FBXO7: variants seen among roughly 807,000 people sequenced by gnomAD.
FBXO7 encodes the protein F-box only protein 7.
In FBXO7, 31 loss-of-function variants were observed where a neutral mutation model predicts 50.2. The ratio of observed to expected loss-of-function variants is 0.62; its 90% CI spans 0.46 to 0.83. The LOEUF (loss-of-function observed/expected upper bound fraction) is 0.83. Ranked by LOEUF, FBXO7 falls within the 40% of genes least tolerant of loss-of-function variation. FBXO7 has a pLI of 0.00. For synonymous variants in FBXO7, 256 were observed against 253.1 expected (o/e 1.01, Z -0.11); for missense variants, 667 against 646.6 (o/e 1.03, Z -0.34).
rs139135860 is a variant in FBXO7, at chr22:32,479,132, G to C, written c.274G>C (p.Asp92His). 244 of 1,614,020 alleles carry C rather than the reference G, an allele frequency of 1.5e-4. 1 individual carries two copies. Among genetic ancestry groups the C allele is most frequent in the South Asian group, 7.9e-4 (72 of 91,080 alleles). Residue 92 changes from aspartate to histidine, a missense_variant, in exon 2 of 9, where the codon GAT (aspartate) becomes CAT (histidine). Physicochemically the swap from Asp to His is moderately conservative, Grantham distance 81. Transcript: ENST00000266087. ...AGCGCCTAATATACCTTCATCCACA[G>C]ATTCAGAGCATTCTTCACTCCAGAA... ...IPAPNIPSSTDSEHSSLQNNE... is the reference protein window; with the variant it reads ...IPAPNIPSSTHSEHSSLQNNE...
intron 3 of FBXO7, 22 bp from the exon 4 acceptor site, chr22:32,485,046 T>C (rs565936343): frequency 1.1e-5 from 18 of 1,613,980 alleles, no homozygotes; most frequent in Non-Finnish European, 1.3e-5. Flanking sequence ...ATTATTTGTT[T>C]CCCTTTCATT....
intron 5 of FBXO7, chr22:32,488,223 A>C (rs1490027295): frequency 1.2e-5 from 2 of 170,068 alleles, no homozygotes; most frequent in Non-Finnish European, 2.5e-5. Flanking sequence ...TGTCAAGTTC[A>C]TTATTGAAGA....
chr22:32,481,674 A>G (rs529142695), intron 2 of FBXO7, among the ~76,000 whole-genome samples: 231 of 152,294 alleles, frequency 1.5e-3, no homozygotes, highest in Middle Eastern at 3.4e-3. Context: ...TTGAAACCAT[A>G]GGAGGTAAAT....
chr22:32,482,567 G>T (rs1006272818), intron 2 of FBXO7, among the ~76,000 whole-genome samples: 1 of 152,046 alleles, frequency 6.6e-6, no homozygotes, highest in Non-Finnish European at 1.5e-5. Context: ...TTAGAGATCT[G>T]GGTTCGTTTC....
At position 32,498,494 on chromosome 22, in the gene FBXO7, GGGTC is replaced by G. The variant is rs772175765; in HGVS notation, c.1536_1539del (p.Arg513GlnfsTer11). 2.9e-4 allele frequency: 460 copies of G among 1,613,904 alleles called. No individual in the cohort carries two copies. Among genetic ancestry groups the G allele is most frequent in the Non-Finnish European group, 3.7e-4 (431 of 1,180,032 alleles). The stretch of plus-strand genomic sequence containing the variant: ...ACAGATTTCCCTTTAGACCCAGCAG[GGGTC>G]GGCCAACTGATGGCCGGCTGTCATT... On this transcript the variant is annotated frameshift_variant, in exon 9 of 9. Coordinates refer to ENST00000266087, the MANE Select transcript of FBXO7 (RefSeq NM_012179.4). LOFTEE classifies it high-confidence loss of function.
chr22:32,480,228 T>A (rs925473557), intron 2 of FBXO7, among the ~76,000 whole-genome samples: 1 of 152,206 alleles, frequency 6.6e-6, no homozygotes, highest in African/African-American at 2.4e-5. Flanking sequence ...GCTCATAATT[T>A]TTGAGCTGAA....
At position 32,479,010 on chromosome 22, in the gene FBXO7, A is replaced by G. The variant is rs1276161285; in HGVS notation, c.152A>G (p.Asn51Ser). 6.2e-7 allele frequency: 1 copy of G among 1,614,262 alleles called. No homozygotes were observed. Among genetic ancestry groups the G allele is most frequent in the Non-Finnish European group, 8.5e-7 (1 of 1,180,040 alleles). The stretch of plus-strand genomic sequence containing the variant: ...AATACCCGATTTACAATTACATTGA[A>G]CTACAAGGATCCCCTCACTGGAGAT... ...SSNTRFTITL[N>S]YKDPLTGDEE... The change falls in exon 2 of 9, where the codon AAC (asparagine) becomes AGC (serine). Residue 51 changes from asparagine (N) to serine (S), a missense_variant. Transcript: ENST00000266087.
chr22:32,491,511 T>C (rs6518786), intron 6 of FBXO7: 100,700 of 247,758 alleles, frequency 0.41, 21,753 homozygotes, highest in East Asian at 0.7. Context: ...AGGTACATAA[T>C]AGATGCTCTT....
At position 32,493,162 on chromosome 22, in the gene FBXO7, G is replaced by C; in HGVS notation, c.1025G>C (p.Arg342Pro). 1 of 1,614,070 alleles carries C rather than the reference G, an allele frequency of 6.2e-7. No homozygotes were observed. The highest frequency in any genetic ancestry group is 8.5e-7 in the Non-Finnish European group (1 of 1,179,984). Residue 342 changes from arginine (R) to proline (P), a missense_variant, in exon 7 of 9, where the codon CGG becomes CCG. Transcript: ENST00000266087. ...LVVLPLELKL[R>P]IFRLLDVRSV... ...GTCCTCCCATTGGAACTGAAACTAC[G>C]GATCTTCCGACTTCTGGATGTTCGT...
Position 32,498,431 on chromosome 22 carries a change from A to G in FBXO7, c.1470A>G (p.Gly490=), listed in dbSNP as rs2057591736. The G allele has an allele frequency of 1.2e-6, 2 of 1,614,000 alleles. No homozygotes were observed. Among genetic ancestry groups the G allele is most frequent in the African/African-American group, 2.7e-5 (2 of 74,900 alleles). Residue 490 remains glycine, a synonymous_variant, in exon 9 of 9, where the codon GGA becomes GGG. Coordinates refer to ENST00000266087, the MANE Select transcript of FBXO7 (RefSeq NM_012179.4). Reference sequence around the variant, plus strand: ...TTGATCCAGTTGGCCCACTTCCAGGACCTAACCCCATCTTGCCAGGGCGAG... The same window carrying G: ...TTGATCCAGTTGGCCCACTTCCAGGGCCTAACCCCATCTTGCCAGGGCGAG... ...PRFDPVGPLP[G]PNPILPGRGG...
rs78099169 is a variant in FBXO7, at chr22:32,493,278, C to T, written c.1141C>T (p.Arg381Ter). 8 of 1,613,536 alleles carry T rather than the reference C, an allele frequency of 5.0e-6. No individual in the cohort carries two copies. Among genetic ancestry groups the T allele is most frequent in the Admixed American group, 3.3e-5 (2 of 60,010 alleles). ...GAGGTTTTTATATCTGCGTGATTTT[C>T]GAGGTGATTTCCGTAATGACATATT... ...LWRFLYLRDF[R>*]DNTVRVQDTD... is the part of the protein sequence containing the mutation. Residue 381 changes from arginine to a stop codon, truncating the protein, a stop_gained, in exon 7 of 9, where the codon CGA becomes TGA. Transcript: ENST00000266087. LOFTEE classifies it low-confidence loss of function (END_TRUNC).
chr22:32,495,739 A>G (rs2057570198), intron 8 of FBXO7, among the ~76,000 whole-genome samples: 2 of 152,138 alleles, frequency 1.3e-5, no homozygotes, highest in Non-Finnish European at 2.9e-5. Context: ...TCATTGTGTT[A>G]TTTTTCATCT....
rs144033848 is a variant in FBXO7, at chr22:32,486,357, A to G, written c.787+1148A>G. 2.6e-4 allele frequency among the ~76,000 whole-genome samples: 40 copies of G among 151,902 alleles called. No homozygotes were observed. In the East Asian group the frequency reaches 6.8e-3, roughly 26 times the overall value. Reference sequence around the variant, plus strand: ...GTTTCTTTTTTCTTTTTTTTGAGACAGGGTCTTGCTCTGTCGCCCAGGCTG... The same window carrying G: ...GTTTCTTTTTTCTTTTTTTTGAGACGGGGTCTTGCTCTGTCGCCCAGGCTG... On this transcript the variant is annotated intron_variant, in intron 4 of 8. Coordinates refer to ENST00000266087, the MANE Select transcript of FBXO7 (RefSeq NM_012179.4).
chr22:32,494,093 G>GTAGA (rs1299921862), intron 7 of FBXO7, among the ~76,000 whole-genome samples: 1 of 128,864 alleles, frequency 7.8e-6, no homozygotes, highest in African/African-American at 3.0e-5. Context: ...AATGTGGTGG[G>GTAGA]TAGATAGCTC....
At chr22:32,494,917 T>G (rs1482725831) in intron 7 of FBXO7, among the ~76,000 whole-genome samples, 1 of 152,270 alleles carries the variant, frequency 6.6e-6, no homozygotes, top group Non-Finnish European at 1.5e-5. Context: ...AATGGGTTTC[T>G]CTTTCCTCAT....
chr22:32,484,407 G>A (rs573247314), intron 3 of FBXO7, among the ~76,000 whole-genome samples: 6 of 152,250 alleles, frequency 3.9e-5, no homozygotes, highest in South Asian at 2.1e-4. Context: ...AGAATGGACC[G>A]TGAACTTCTT....
Position 32,498,551 on chromosome 22 carries a change from T to C in FBXO7, c.*21T>C. 6.2e-7 allele frequency: 1 copy of C among 1,606,772 alleles called. No individual in the cohort carries two copies. Among genetic ancestry groups the C allele is most frequent in the Non-Finnish European group, 8.5e-7 (1 of 1,178,798 alleles). On this transcript the variant is annotated 3_prime_UTR_variant, in exon 9 of 9. Coordinates refer to ENST00000266087, the MANE Select transcript of FBXO7 (RefSeq NM_012179.4). ...TGTGATTGATTTGTAATTTCATTTC[T>C]GGAGCTCCATTTGTTTTTGTTTCTA...
chr22:32,475,289 G>C (rs2057419454), intron 1 of FBXO7, 165 bp downstream of exon 1: 2 of 1,595,716 alleles, frequency 1.3e-6, no homozygotes, highest in Non-Finnish European at 1.7e-6. Context: ...GGGCTCTTCC[G>C]GGCGTCGCGG....
intron 4 of FBXO7, among the ~76,000 whole-genome samples, chr22:32,486,224 A>G (rs1427827536): frequency 1.6e-5 from 2 of 128,998 alleles, no homozygotes; most frequent in African/African-American, 3.1e-5. Flanking sequence ...ATTCTGTTTG[A>G]AAAAATGTTG....
Sources: gnomAD v4.1 joint callset for allele counts (sites outside exome capture counted in the v4.1 genomes callset) on GRCh38, gnomAD v4.1.1 for gene constraint, MANE v1.5 for transcripts, NCBI Gene and HGNC (gene_info 2026-07-23, HGNC 2026-07-21) for gene names.